Variants in CASR observed in about 807,000 individuals in gnomAD.
The protein encoded by CASR is calcium sensing receptor.
Under a neutral mutation model 69.1 loss-of-function variants are expected in CASR, and 23 were observed. That is an observed-to-expected ratio of 0.33 (90% CI 0.24 to 0.47). CASR has a LOEUF of 0.47. CASR is among the 20% of genes least tolerant of loss of function. The probability of loss-of-function intolerance (pLI) is 1.00; values close to 1 mark genes in which losing one functional copy is unlikely to be tolerated. For missense variants in CASR, 924 were observed against 1,356.1 expected (o/e 0.68, Z 5.00); for synonymous variants, 541 against 544.7 (o/e 0.99, Z 0.10).
In CASR at chr3:122,275,960, G is replaced by C; in HGVS notation, c.1526G>C (p.Gly509Ala). The change falls in exon 5 of 7, where the codon GGG becomes GCG. Residue 509 changes from glycine to alanine, a missense_variant. Coordinates refer to ENST00000639785, the MANE Select transcript of CASR (RefSeq NM_000388.4). Reference sequence around the variant, plus strand: ...GGCTCCATCGTGTTTAAGGAAGTCGGGTATTACAACGTCTATGCCAAGAAG... The same window carrying C: ...GGCTCCATCGTGTTTAAGGAAGTCGCGTATTACAACGTCTATGCCAAGAAG... ...EDGSIVFKEV[G>A]YYNVYAKKGE... 1.2e-6 allele frequency: 2 copies of C among 1,614,044 alleles called. No homozygotes were observed. Among genetic ancestry groups the C allele is most frequent in the Non-Finnish European group, 1.7e-6 (2 of 1,179,946 alleles).
intron 1 of CASR, among the ~76,000 whole-genome samples, chr3:122,225,737 G>A (rs550748652): frequency 1.3e-5 from 2 of 152,248 alleles, no homozygotes; most frequent in East Asian, 3.9e-4. Flanking sequence ...ACACCCAAAA[G>A]AAAATAAATC....
chr3:122,230,205 G>A (rs2074265751), intron 1 of CASR, among the ~76,000 whole-genome samples: 1 of 152,230 alleles, frequency 6.6e-6, no homozygotes, highest in Non-Finnish European at 1.5e-5. Flanking sequence ...GCTCAGCCTA[G>A]GCTTGCCGGC....
chr3:122,244,765 G>A lies in CASR; in HGVS notation c.-242-9183G>A, dbSNP rs1223052062. Among the ~76,000 whole-genome samples, 7 of 152,134 alleles carry A rather than the reference G, an allele frequency of 4.6e-5. No homozygotes were observed. In the East Asian group the frequency reaches 1.4e-3, roughly 29 times the overall value. On this transcript the variant is annotated intron_variant, in intron 1 of 6. Coordinates refer to ENST00000639785, the MANE Select transcript of CASR (RefSeq NM_000388.4). ...CTTCAATTAAAATTTTATTTTAAGA[G>A]TGAGAGAAAGATAAGGGAGATAAAG...
intron 4 of CASR, among the ~76,000 whole-genome samples, chr3:122,268,998 C>A (rs531946837): frequency 6.6e-6 from 1 of 152,166 alleles, no homozygotes; most frequent in East Asian, 1.9e-4. Flanking sequence ...GCATAAAGAT[C>A]CAGAAACCAT....
chr3:122,261,403 A>G, intron 3 of CASR, 125 bp from the exon 4 acceptor site: 1 of 839,560 alleles, frequency 1.2e-6, no homozygotes, highest in South Asian at 1.3e-5. Flanking sequence ...TATACAGTGA[A>G]CAGCATAGTT....
chr3:122,278,543 C>A (rs187748757), intron 5 of CASR, among the ~76,000 whole-genome samples: 2 of 152,292 alleles, frequency 1.3e-5, no homozygotes, highest in African/African-American at 4.8e-5. Context: ...CAGAATTGGA[C>A]AGGCATCTTT....
chr3:122,195,026 C>A (rs1196510079), intron 1 of CASR, among the ~76,000 whole-genome samples: 1 of 117,226 alleles, frequency 8.5e-6, no homozygotes. Flanking sequence ...CCTCCTTTTT[C>A]CTCCTCCCTC....
chr3:122,206,224 T>C (rs900980382), intron 1 of CASR, among the ~76,000 whole-genome samples: 1 of 151,938 alleles, frequency 6.6e-6, no homozygotes, highest in Non-Finnish European at 1.5e-5. Context: ...GTATGGTCTT[T>C]ATTGTTTTAG....
At chr3:122,226,050 A>G (rs978201009) in intron 1 of CASR, among the ~76,000 whole-genome samples, 5 of 152,180 alleles carry the variant, frequency 3.3e-5, no homozygotes, top group Non-Finnish European at 1.5e-5. Flanking sequence ...AAAGATGGGA[A>G]CAAAAGCCAC....
intron 2 of CASR, among the ~76,000 whole-genome samples, chr3:122,256,617 T>C (rs2074557303): frequency 6.6e-6 from 1 of 152,192 alleles, no homozygotes; most frequent in African/African-American, 2.4e-5. Context: ...CTTTTATTTT[T>C]ATTTATTCAT....
At chr3:122,216,803 C>G (rs2074121499) in intron 1 of CASR, among the ~76,000 whole-genome samples, 1 of 152,168 alleles carries the variant, frequency 6.6e-6, no homozygotes, top group South Asian at 2.1e-4. Context: ...TCATGAGTGA[C>G]TTTTGACACA....
At chr3:122,259,628 A>ATCTTTT (rs2074597212) in intron 3 of CASR, among the ~76,000 whole-genome samples, 1 of 122,236 alleles carries the variant, frequency 8.2e-6, no homozygotes, top group African/African-American at 3.0e-5. Context: ...CACATTGGAA[A>ATCTTTT]TTTTTTTTTT....
In CASR at chr3:122,248,104, G is replaced by A. The variant is rs146992407; in HGVS notation, c.-242-5844G>A. On this transcript the variant is annotated intron_variant, in intron 1 of 6. Coordinates refer to ENST00000639785, the MANE Select transcript of CASR (RefSeq NM_000388.4). ...GCCGGGCTTGGGCTTGCGGGAGGCA[G>A]CCAAGGGTGACCGGGCAATTTGTGT... is the stretch of plus-strand genomic sequence containing the variant. 1.1e-4 allele frequency among the ~76,000 whole-genome samples: 17 copies of A among 152,328 alleles called. No homozygotes were observed. The East Asian group carries it at 3.1e-3, about 28-fold the overall frequency.
At chr3:122,224,367 C>A (rs2074202519) in intron 1 of CASR, among the ~76,000 whole-genome samples, 1 of 152,056 alleles carries the variant, frequency 6.6e-6, no homozygotes, top group Non-Finnish European at 1.5e-5. Context: ...AATCAATGTA[C>A]AAAATTCAGT....
intron 1 of CASR, among the ~76,000 whole-genome samples, chr3:122,252,472 AGAAG>A (rs951113457): frequency 8.8e-5 from 10 of 113,302 alleles, no homozygotes; most frequent in Non-Finnish European, 1.6e-4. Context: ...AGAAAAGAAA[AGAAG>A]GGAGGGAGGG....
intron 1 of CASR, among the ~76,000 whole-genome samples, chr3:122,210,422 C>G (rs1197998354): frequency 6.6e-6 from 1 of 152,084 alleles, no homozygotes; most frequent in East Asian, 1.9e-4. Flanking sequence ...GTAAAAATCA[C>G]AGACATTTCT....
At chr3:122,186,966 A>T (rs1173794647) in intron 1 of CASR, among the ~76,000 whole-genome samples, 1 of 152,226 alleles carries the variant, frequency 6.6e-6, no homozygotes, top group Non-Finnish European at 1.5e-5. Context: ...CATTGTCTTC[A>T]GTTGGTCATG....
intron 1 of CASR, among the ~76,000 whole-genome samples, chr3:122,220,218 A>C (rs2074157082): frequency 6.6e-6 from 1 of 152,128 alleles, no homozygotes; most frequent in Admixed American, 6.5e-5. Context: ...TGTCAGTTAC[A>C]AAAAACAGCA....
chr3:122,205,559 A>G (rs1178683239), intron 1 of CASR, among the ~76,000 whole-genome samples: 2 of 151,896 alleles, frequency 1.3e-5, no homozygotes, highest in African/African-American at 2.4e-5. Flanking sequence ...GGTCTTTTGT[A>G]GTTCCTTGTA....
Sources: gnomAD v4.1 joint callset for allele counts (sites outside exome capture counted in the v4.1 genomes callset) on GRCh38, gnomAD v4.1.1 for gene constraint, MANE v1.5 for transcripts, NCBI Gene and HGNC (gene_info 2026-07-23, HGNC 2026-07-21) for gene names.